PTPN1: variants seen among roughly 807,000 people sequenced by gnomAD.
The protein encoded by PTPN1 is tyrosine-protein phosphatase non-receptor type 1.
A neutral mutation model predicts 59.9 loss-of-function variants in PTPN1; 12 were observed. The ratio of observed to expected loss-of-function variants is 0.20; its 90% confidence interval spans 0.13 to 0.32. The LOEUF is 0.32. PTPN1 is among the 10% of genes least tolerant of loss of function. The pLI is 1.00. For missense variants in PTPN1, 356 were observed against 549.2 expected, an observed-to-expected ratio of 0.65 and a Z score of 3.52; for synonymous variants, 178 against 203.6, an observed-to-expected ratio of 0.87 and a Z score of 1.07.
intron 2 of PTPN1, among the ~76,000 whole-genome samples, chr20:50,562,746 A>T (rs1207105976): frequency 2.0e-5 from 3 of 152,214 alleles, no homozygotes; most frequent in African/African-American, 7.2e-5. Context: ...AACAAAAACA[A>T]AAAACCTTGG....
chr20:50,581,352 G>C lies in PTPN1; in HGVS notation c.1176G>C (p.Pro392=). ...CTGCCTCCCCAGCCAAAGGGGAGCC[G>C]TCACTGCCCGAGAAGGACGAGGACC... The part of the protein sequence containing the change: ...AQAASPAKGE[P]SLPEKDEDHA... Residue 392 remains proline (P), a synonymous_variant, in exon 9 of 10, where the codon CCG becomes CCC. Transcript: ENST00000371621. The C allele has an allele frequency of 6.2e-7, 1 of 1,614,100 alleles. No individual in the cohort carries two copies. The highest frequency in any genetic ancestry group is 8.5e-7 in the Non-Finnish European group (1 of 1,179,956).
intron 1 of PTPN1, among the ~76,000 whole-genome samples, chr20:50,542,633 C>T (rs1018804601): frequency 3.9e-5 from 6 of 152,094 alleles, no homozygotes; most frequent in Non-Finnish European, 5.9e-5. Context: ...ATAGTGGCCC[C>T]GGATCTGTTT....
intron 1 of PTPN1, among the ~76,000 whole-genome samples, chr20:50,528,973 T>C (rs1388814675): frequency 6.6e-6 from 1 of 152,120 alleles, no homozygotes; most frequent in Non-Finnish European, 1.5e-5. Context: ...CCCCATGAGA[T>C]TGTATACCAT....
rs11481722 is a variant in PTPN1 at position 50,554,380 on chromosome 20, A to ATTCTCTCTCTCTCTCTCTCTCTCTCTCTC, written c.64-6982_64-6981insTCTCTCTCTCTCTCTCTCTCTCTCTCTCT. Among the ~76,000 whole-genome samples the ATTCTCTCTCTCTCTCTCTCTCTCTCTCTC allele has an allele frequency of 3.8e-3, 532 of 140,234 alleles. 26 individuals are homozygous for ATTCTCTCTCTCTCTCTCTCTCTCTCTCTC. The highest frequency in any genetic ancestry group is 7.0e-3 in the African/African-American group (260 of 37,242). 92.0% of individuals were successfully genotyped at this position (140,234 alleles called of 152,430 possible). A position where few individuals can be genotyped will look rare whatever the true frequency, so the allele number is the denominator to read the frequency against. On this transcript the variant is annotated intron_variant, in intron 1 of 9. Transcript: ENST00000371621. ...CCAGCCTAGGCAACAGCAAGACCAC[A>ATTCTCTCTCTCTCTCTCTCTCTCTCTCTC]TCTCTCTCTCTCTCTCTCTCTCTCT...
At chr20:50,531,462 C>T (rs978424320) in intron 1 of PTPN1, among the ~76,000 whole-genome samples, 4 of 152,174 alleles carry the variant, frequency 2.6e-5, no homozygotes, top group Middle Eastern at 6.8e-3. Flanking sequence ...CTGCAACCTC[C>T]GCCTCCCGAG....
At chr20:50,547,922 T>A (rs959424871) in intron 1 of PTPN1, among the ~76,000 whole-genome samples, 2 of 152,204 alleles carry the variant, frequency 1.3e-5, no homozygotes, top group Admixed American at 1.3e-4. Flanking sequence ...TTTTAAGAGT[T>A]TCTTATCTTA....
chr20:50,515,480 C>T (rs2082525080), intron 1 of PTPN1, among the ~76,000 whole-genome samples: 1 of 152,104 alleles, frequency 6.6e-6, no homozygotes, highest in Non-Finnish European at 1.5e-5. Flanking sequence ...TTTATAAAGT[C>T]AAGGTCTCAC....
chr20:50,538,060 A>C (rs1437088411), intron 1 of PTPN1, among the ~76,000 whole-genome samples: 1 of 152,134 alleles, frequency 6.6e-6, no homozygotes, highest in African/African-American at 2.4e-5. Flanking sequence ...CTCTCTGGGG[A>C]ACAAATAACC....
chr20:50,555,407 TGACTG>T (rs2082721856), intron 1 of PTPN1, among the ~76,000 whole-genome samples: 1 of 152,226 alleles, frequency 6.6e-6, no homozygotes, highest in Admixed American at 6.5e-5. Flanking sequence ...AAGGTTGAAT[TGACTG>T]GAACCAGAAG....
chr20:50,520,141 G>C (rs1294515391), intron 1 of PTPN1, among the ~76,000 whole-genome samples: 2 of 152,162 alleles, frequency 1.3e-5, no homozygotes, highest in Non-Finnish European at 2.9e-5. Context: ...GGAGGCCGAG[G>C]TGGGTGGATC....
rs535410563 is a variant in PTPN1, at chr20:50,525,958, A to T, written c.63+15368A>T. On this transcript the variant is annotated intron_variant, in intron 1 of 9. Transcript: ENST00000371621. ...TTGAAGAAGGGGATGAGTAATAATG[A>T]GTGATAAAAAGGCATCCTGGATAGA... Among the ~76,000 whole-genome samples, 21 of 152,276 alleles carry T rather than the reference A, an allele frequency of 1.4e-4. No homozygotes were observed. In the South Asian group the frequency reaches 4.1e-3, roughly 30 times the overall value.
intron 1 of PTPN1, among the ~76,000 whole-genome samples, chr20:50,521,047 C>G (rs1434062009): frequency 6.6e-6 from 1 of 152,148 alleles, no homozygotes; most frequent in African/African-American, 2.4e-5. Context: ...TCCCCCTAAT[C>G]TAAAAGTGGG....
At chr20:50,521,085 CAAATT>C (rs2082549193) in intron 1 of PTPN1, among the ~76,000 whole-genome samples, 1 of 152,062 alleles carries the variant, frequency 6.6e-6, no homozygotes, top group African/African-American at 2.4e-5. Flanking sequence ...CATATTAACT[CAAATT>C]AAAACTTGAA....
At chr20:50,580,837 G>A (rs999846029) in intron 8 of PTPN1, among the ~76,000 whole-genome samples, 2 of 152,192 alleles carry the variant, frequency 1.3e-5, no homozygotes, top group African/African-American at 4.8e-5. Context: ...GATCAATTAT[G>A]TTCTCTCCCG....
chr20:50,561,381 A>G lies in PTPN1; in HGVS notation c.82A>G (p.Ser28Gly). Residue 28 changes from serine to glycine, a missense_variant, in exon 2 of 10, where the codon AGT becomes GGT. Physicochemically the swap from Ser to Gly is moderately conservative, Grantham distance 56 (BLOSUM62 0). Coordinates refer to ENST00000371621, the MANE Select transcript of PTPN1 (RefSeq NM_002827.4). Reference protein sequence around the residue: ...AIYQDIRHEASDFPCRVAKLP... With the variant: ...AIYQDIRHEAGDFPCRVAKLP... The stretch of plus-strand genomic sequence containing the variant: ...TTTGTAGGATATCCGACATGAAGCC[A>G]GTGACTTCCCATGTAGAGTGGCCAA... 1 of 1,612,322 alleles carries G rather than the reference A, an allele frequency of 6.2e-7. No homozygotes were observed. The highest frequency in any genetic ancestry group is 8.5e-7 in the Non-Finnish European group (1 of 1,178,984).
At chr20:50,556,886 G>A (rs534101740) in intron 1 of PTPN1, among the ~76,000 whole-genome samples, 2 of 152,266 alleles carry the variant, frequency 1.3e-5, no homozygotes, top group South Asian at 2.1e-4. Flanking sequence ...CAGAGGTTGT[G>A]GTGAGCCGAT....
chr20:50,580,899 T>A (rs548978396), intron 8 of PTPN1, among the ~76,000 whole-genome samples: 5 of 152,312 alleles, frequency 3.3e-5, no homozygotes, highest in African/African-American at 1.2e-4. Flanking sequence ...TGTACTGATG[T>A]GGCCAGACAT....
chr20:50,575,678 C>T (rs1468748860), intron 5 of PTPN1, among the ~76,000 whole-genome samples: 1 of 152,192 alleles, frequency 6.6e-6, no homozygotes, highest in Non-Finnish European at 1.5e-5. Context: ...AATCCCAGCA[C>T]TTGGGGAGGC....
chr20:50,534,225 A>G lies in PTPN1; in HGVS notation c.63+23635A>G, dbSNP rs2082614124. On this transcript the variant is annotated intron_variant, in intron 1 of 9. Transcript: ENST00000371621. ...AGGTGTTAGCCACTGCACCCGGCCG[A>G]AGCTGTCATATTAAATAGCACTTTC... Among the ~76,000 whole-genome samples the G allele has an allele frequency of 2.6e-5, 4 of 152,222 alleles. No individual in the cohort carries two copies. The South Asian group carries it at 8.3e-4, about 32-fold the overall frequency.
Sources: allele counts gnomAD v4.1 joint callset (sites outside exome capture counted in the v4.1 genomes callset), GRCh38; gene constraint gnomAD v4.1.1; transcripts MANE v1.5; gene names NCBI Gene and HGNC (gene_info 2026-07-23, HGNC 2026-07-21).